GPC5: variants seen among roughly 807,000 people sequenced by gnomAD.
GPC5 encodes the protein glypican-5.
In GPC5, 47 loss-of-function variants were observed where a neutral mutation model predicts 53.9. The ratio of observed to expected loss-of-function variants is 0.87; its 90% CI spans 0.69 to 1.11. The LOEUF (loss-of-function observed/expected upper bound fraction) is 1.11, where lower values mean the gene tolerates loss of function less well. Ranked by LOEUF, GPC5 falls within the 50% of genes most tolerant of loss-of-function variation. The pLI, the probability that GPC5 is intolerant of heterozygous loss-of-function variation, is 0.00. For synonymous variants in GPC5, 286 were observed against 263.3 expected (o/e 1.09, Z -0.84); for missense variants, 748 against 713.1 (o/e 1.05, Z -0.56).
intron 7 of GPC5, among the ~76,000 whole-genome samples, chr13:92,478,725 C>G (rs892118434): frequency 6.6e-6 from 1 of 152,126 alleles, no homozygotes; most frequent in Non-Finnish European, 1.5e-5. Flanking sequence ...TGCTGTGATA[C>G]TCAGCATGGG....
At chr13:91,624,619 A>G (rs956346593) in intron 2 of GPC5, among the ~76,000 whole-genome samples, 3 of 152,002 alleles carry the variant, frequency 2.0e-5, no homozygotes, top group Admixed American at 2.0e-4. Context: ...AAATTAATCA[A>G]CCATATGCTT....
chr13:91,589,472 T>A (rs1164364842), intron 2 of GPC5, among the ~76,000 whole-genome samples: 1 of 152,098 alleles, frequency 6.6e-6, no homozygotes, highest in Non-Finnish European at 1.5e-5. Flanking sequence ...CTCTGTTTCC[T>A]CTCTAGACCT....
chr13:92,217,875 T>G (rs1427391443), intron 7 of GPC5, among the ~76,000 whole-genome samples: 1 of 149,992 alleles, frequency 6.7e-6, no homozygotes, highest in African/African-American at 2.5e-5. Flanking sequence ...AAATATTTTA[T>G]ACCCCAGCAA....
intron 7 of GPC5, among the ~76,000 whole-genome samples, chr13:92,243,107 C>T (rs2042625604): frequency 6.6e-6 from 1 of 152,074 alleles, no homozygotes; most frequent in African/African-American, 2.4e-5. Context: ...GGAAATGATC[C>T]TCGCTACAAG....
intron 7 of GPC5, among the ~76,000 whole-genome samples, chr13:92,341,572 ATAAT>A (rs2043367030): frequency 2.6e-5 from 4 of 152,114 alleles, no homozygotes; most frequent in Admixed American, 2.6e-4. Context: ...TATTGATTGA[ATAAT>A]TAAGAGGTGA....
intron 7 of GPC5, among the ~76,000 whole-genome samples, chr13:92,824,796 C>T (rs376520482): frequency 6.6e-6 from 1 of 150,384 alleles, no homozygotes; most frequent in Non-Finnish European, 1.5e-5. Flanking sequence ...TTATAGTAAA[C>T]AATCTACAAG....
At chr13:91,898,024 T>C (rs2039461367) in intron 5 of GPC5, among the ~76,000 whole-genome samples, 1 of 152,196 alleles carries the variant, frequency 6.6e-6, no homozygotes, top group South Asian at 2.1e-4. Context: ...AGAGAGATAT[T>C]AACCATTCAG....
intron 2 of GPC5, among the ~76,000 whole-genome samples, chr13:91,576,397 A>C (rs987418314): frequency 1.3e-5 from 2 of 152,086 alleles, no homozygotes; most frequent in African/African-American, 4.8e-5. Flanking sequence ...GAAATAAATA[A>C]AAAATTATGT....
At chr13:91,675,284 T>C (rs1478931281) in intron 2 of GPC5, among the ~76,000 whole-genome samples, 2 of 152,208 alleles carry the variant, frequency 1.3e-5, no homozygotes, top group Non-Finnish European at 2.9e-5. Context: ...GAAACACTAA[T>C]ATATATCTTT....
At chr13:91,678,660 A>G (rs1267405643) in intron 2 of GPC5, among the ~76,000 whole-genome samples, 1 of 152,158 alleles carries the variant, frequency 6.6e-6, no homozygotes, top group East Asian at 1.9e-4. Flanking sequence ...TAGTGACTAG[A>G]CATAATAAAA....
chr13:91,588,509 C>A (rs544799150), intron 2 of GPC5, among the ~76,000 whole-genome samples: 260 of 152,188 alleles, frequency 1.7e-3, no homozygotes, highest in African/African-American at 5.7e-3. Context: ...TAATCCTAAA[C>A]AATTTTTCCC....
intron 1 of GPC5, among the ~76,000 whole-genome samples, chr13:91,445,401 G>A (rs977943129): frequency 2.6e-5 from 4 of 152,128 alleles, no homozygotes; most frequent in African/African-American, 9.7e-5. Flanking sequence ...ACCCCAGGTG[G>A]GATGAATCAG....
At chr13:92,706,323 C>T (rs886265136) in intron 7 of GPC5, among the ~76,000 whole-genome samples, 3 of 151,836 alleles carry the variant, frequency 2.0e-5, no homozygotes, top group African/African-American at 7.2e-5. Context: ...TAAGGCTTAA[C>T]TTCATTTTCA....
chr13:92,053,622 T>C (rs1224426587), intron 6 of GPC5, among the ~76,000 whole-genome samples: 1 of 152,166 alleles, frequency 6.6e-6, no homozygotes, highest in Non-Finnish European at 1.5e-5. Context: ...ATTTTGAAAA[T>C]TTTATATACA....
At chr13:92,226,043 A>G (rs757953914) in intron 7 of GPC5, among the ~76,000 whole-genome samples, 15 of 152,136 alleles carry the variant, frequency 9.9e-5, no homozygotes, top group Non-Finnish European at 1.6e-4. Flanking sequence ...CCTTGCTGTT[A>G]TCAGGAAAAT....
At chr13:91,733,131 TTTTTG>T (rs1305455266) in intron 4 of GPC5, among the ~76,000 whole-genome samples, 2 of 152,128 alleles carry the variant, frequency 1.3e-5, no homozygotes, top group South Asian at 4.1e-4. Context: ...ATTTTCACAA[TTTTTG>T]TTTTGTTTTG....
rs146597927 is a variant in GPC5 at position 91,833,422 on chromosome 13, T to G, written c.1281-74515T>G. Among the ~76,000 whole-genome samples, 943 of 152,130 alleles carry G rather than the reference T, an allele frequency of 6.2e-3. 11 individuals are homozygous for G. Among genetic ancestry groups the G allele is most frequent in the African/African-American group, 0.022 (917 of 41,528 alleles). On this transcript the variant is annotated intron_variant, in intron 5 of 7. Coordinates refer to ENST00000377067, the MANE Select transcript of GPC5 (RefSeq NM_004466.6). ...CCAGCATCATCCTGATAACAAAACC[T>G]GGCAAAGGCACAACAACAACAACAA... is the stretch of plus-strand genomic sequence containing the variant.
chr13:92,282,164 G>A (rs1263352841), intron 7 of GPC5, among the ~76,000 whole-genome samples: 1 of 152,168 alleles, frequency 6.6e-6, no homozygotes, highest in Non-Finnish European at 1.5e-5. Flanking sequence ...AAGATCAAAT[G>A]AATGAAATGA....
intron 7 of GPC5, among the ~76,000 whole-genome samples, chr13:92,317,659 AT>A (rs11362785): frequency 0.49 from 74,608 of 151,396 alleles, 20,662 homozygotes; most frequent in African/African-American, 0.77. Flanking sequence ...ATGTCTGCTA[AT>A]TTTTTTTATT....
Sources: allele counts gnomAD v4.1 joint callset (sites outside exome capture counted in the v4.1 genomes callset), GRCh38; gene constraint gnomAD v4.1.1; transcripts MANE v1.5; gene names NCBI Gene and HGNC (gene_info 2026-07-23, HGNC 2026-07-21).